Variants in CBR3 observed in about 807,000 individuals in gnomAD.
CBR3 encodes carbonyl reductase [NADPH] 3.
CBR3 carries 14 observed loss-of-function variants against 11.6 expected under a neutral mutation model. That is an observed-to-expected ratio of 1.20 (90% CI 0.79 to 1.88). The LOEUF is 1.88. Among genes scored for constraint, CBR3 ranks in the 40% most tolerant of loss-of-function variants. CBR3 has a pLI of 0.00. For missense variants in CBR3, 308 were observed against 357.3 expected, an observed-to-expected ratio of 0.86 and a Z score of 1.11; for synonymous variants, 125 against 145.6, an observed-to-expected ratio of 0.86 and a Z score of 1.02.
chr21:36,140,090 T>C (rs1211972513), intron 2 of CBR3, among the ~76,000 whole-genome samples: 2 of 152,014 alleles, frequency 1.3e-5, no homozygotes, highest in Non-Finnish European at 2.9e-5. Context: ...GGTTTCACCA[T>C]GTTGGCCAGC....
intron 2 of CBR3, among the ~76,000 whole-genome samples, chr21:36,142,939 G>A (rs2065724876): frequency 6.6e-6 from 1 of 152,128 alleles, no homozygotes; most frequent in African/African-American, 2.4e-5. Flanking sequence ...TTGTGGGATT[G>A]GGGTCCACAA....
At chr21:36,138,597 G>C (rs1226335317) in intron 2 of CBR3, 1 of 152,150 alleles carries the variant, frequency 6.6e-6, no homozygotes, top group African/African-American at 2.4e-5. Context: ...GCCCTCCAAG[G>C]TGATGGGCCC....
At chr21:36,139,425 A>C (rs1328216550) in intron 2 of CBR3, among the ~76,000 whole-genome samples, 1 of 136,228 alleles carries the variant, frequency 7.3e-6, no homozygotes, top group Non-Finnish European at 1.5e-5. Context: ...TCTGTTGCCC[A>C]GGCTGGAGTG....
chr21:36,136,191 G>T (rs773851764), intron 1 of CBR3, among the ~76,000 whole-genome samples: 2 of 151,980 alleles, frequency 1.3e-5, no homozygotes, highest in African/African-American at 2.4e-5. Flanking sequence ...AGTGGCTCAC[G>T]CCTGTAATGC....
chr21:36,144,484 G>C (rs567111035), intron 2 of CBR3, among the ~76,000 whole-genome samples: 1 of 148,254 alleles, frequency 6.7e-6, no homozygotes, highest in Non-Finnish European at 1.5e-5. Context: ...TTTTTAGGCC[G>C]GGTGTAGTGG....
At chr21:36,136,219 G>A (rs1212132749) in intron 1 of CBR3, among the ~76,000 whole-genome samples, 2 of 151,688 alleles carry the variant, frequency 1.3e-5, no homozygotes, top group African/African-American at 2.4e-5. Flanking sequence ...TTGGGAGGCC[G>A]AGGCAGGAGA....
In CBR3 at chr21:36,146,134, A is replaced by G; in HGVS notation, c.456A>G (p.Glu152=). The change falls in exon 3 of 3, where the codon GAA becomes GAG. Residue 152 remains glutamate, a synonymous_variant. Transcript: ENST00000290354. ...TAAGGGCTTTTGAAAACTGCAGTGA[A>G]GATCTGCAGGAAAGGTTCCACAGTG... is the stretch of plus-strand genomic sequence containing the variant. The part of the protein sequence containing the change: ...QCLRAFENCS[E]DLQERFHSET... The G allele has an allele frequency of 6.2e-7, 1 of 1,613,766 alleles. No individual in the cohort carries two copies. The highest frequency in any genetic ancestry group is 1.7e-5 in the Admixed American group (1 of 59,992).
At chr21:36,140,814 T>C (rs2065701940) in intron 2 of CBR3, among the ~76,000 whole-genome samples, 1 of 152,028 alleles carries the variant, frequency 6.6e-6, no homozygotes, top group African/African-American at 2.4e-5. Flanking sequence ...GAGACCATCC[T>C]GGCTAACACG....
Position 36,135,471 on chromosome 21 carries a change from C to T in CBR3, c.279C>T (p.Val93=), listed in dbSNP as rs881712. The T allele has an allele frequency of 0.42, 672,112 of 1,609,080 alleles. 145,433 individuals are homozygous for T. The highest frequency in any genetic ancestry group is 0.45 in the Non-Finnish European group (525,435 of 1,176,910). Residue 93 remains valine, a synonymous_variant, in exon 1 of 3, where the codon GTC becomes GTT. Transcript: ENST00000290354. ...GLNVLVNNAA[V]AFKSDDPMPF... ...ACGTACTGGTCAACAACGCGGCCGT[C>T]GCCTTCAAGAGTAGGTGCAGGGCTT...
intron 2 of CBR3, among the ~76,000 whole-genome samples, chr21:36,140,649 C>T (rs8126939): frequency 0.39 from 58,705 of 151,666 alleles, 11,686 homozygotes; most frequent in South Asian, 0.5. Flanking sequence ...TGATCCCATC[C>T]CACTAAAAAA....
At chr21:36,140,962 C>A (rs1306768258) in intron 2 of CBR3, among the ~76,000 whole-genome samples, 1 of 141,918 alleles carries the variant, frequency 7.0e-6, no homozygotes, top group Non-Finnish European at 1.5e-5. Flanking sequence ...GAGCCCAGAT[C>A]GCGCCACTGC....
chr21:36,135,979 T>G (rs553252641), intron 1 of CBR3, among the ~76,000 whole-genome samples: 1 of 152,262 alleles, frequency 6.6e-6, no homozygotes, highest in East Asian at 1.9e-4. Context: ...TTGGTGGACT[T>G]GACAATTTGT....
At chr21:36,141,992 C>T in intron 2 of CBR3, 1 of 811,918 alleles carries the variant, frequency 1.2e-6, no homozygotes, top group Non-Finnish European at 1.5e-6. Context: ...ATGTAGTATT[C>T]CTGGCCAAAA....
chr21:36,136,578 G>A (rs982599602), intron 1 of CBR3, among the ~76,000 whole-genome samples: 1 of 152,110 alleles, frequency 6.6e-6, no homozygotes, highest in African/African-American at 2.4e-5. Flanking sequence ...GCCATGGGCT[G>A]AGAGATTGGT....
At chr21:36,136,379 G>T (rs773121451) in intron 1 of CBR3, among the ~76,000 whole-genome samples, 7 of 151,730 alleles carry the variant, frequency 4.6e-5, no homozygotes, top group Non-Finnish European at 1.0e-4. Flanking sequence ...GGGAAAAAAA[G>T]CCTAAGAGGG....
At chr21:36,139,096 T>A (rs1471472860) in intron 2 of CBR3, among the ~76,000 whole-genome samples, 1 of 152,136 alleles carries the variant, frequency 6.6e-6, no homozygotes, top group Non-Finnish European at 1.5e-5. Flanking sequence ...AGGTATTCAA[T>A]AAATGTTACT....
At chr21:36,135,650 C>T (rs1262235035) in intron 1 of CBR3, 169 bp downstream of exon 1, 1 of 640,984 alleles carries the variant, frequency 1.6e-6, no homozygotes, top group Non-Finnish European at 2.5e-6. Context: ...TTCCGTGATT[C>T]GCTGAGCCCC....
At chr21:36,139,351 G>A (rs1388953683) in intron 2 of CBR3, among the ~76,000 whole-genome samples, 1 of 149,086 alleles carries the variant, frequency 6.7e-6, no homozygotes, top group Non-Finnish European at 1.5e-5. Flanking sequence ...TCTTAGAACT[G>A]TGGTTTTTAT....
rs1408567038 is a variant in CBR3, at chr21:36,146,372, A to C, written c.694A>C (p.Lys232Gln). 1 of 1,614,186 alleles carries C rather than the reference A, an allele frequency of 6.2e-7. No homozygotes were observed. Among genetic ancestry groups the C allele is most frequent in the Non-Finnish European group, 8.5e-7 (1 of 1,180,032 alleles). ...LVNACCPGPV[K>Q]TDMDGKDSIR... ...GAATGCGTGCTGCCCAGGACCAGTG[A>C]AGACAGACATGGATGGGAAAGACAG... Residue 232 changes from lysine (K) to glutamine (Q), a missense_variant, in exon 3 of 3, where the codon AAG becomes CAG. Lys to Gln is a moderately conservative substitution (Grantham distance 53). Transcript: ENST00000290354.
Sources: allele counts gnomAD v4.1 joint callset (sites outside exome capture counted in the v4.1 genomes callset), GRCh38; gene constraint gnomAD v4.1.1; transcripts MANE v1.5; gene names NCBI Gene and HGNC (gene_info 2026-07-23, HGNC 2026-07-21).